Variants in SPAG1 observed in about 807,000 individuals in gnomAD.
The protein encoded by SPAG1 is sperm-associated antigen 1.
Under a neutral mutation model 100.5 loss-of-function variants are expected in SPAG1, and 69 were observed. That is an observed-to-expected ratio of 0.69 (90% CI 0.57 to 0.84). The LOEUF (loss-of-function observed/expected upper bound fraction) is 0.84. SPAG1 is among the 40% of genes least tolerant of loss of function. The pLI, the probability that SPAG1 is intolerant of heterozygous loss-of-function variation, is 0.00. For missense variants in SPAG1, 955 were observed against 1,133.1 expected (o/e 0.84, Z 2.26); for synonymous variants, 336 against 411.6 (o/e 0.82, Z 2.22).
intron 15 of SPAG1, among the ~76,000 whole-genome samples, chr8:100,232,468 C>T (rs578075317): frequency 8.5e-5 from 13 of 152,260 alleles, no homozygotes; most frequent in South Asian, 4.1e-4. Flanking sequence ...GAAGCGCTCC[C>T]CATCTCTTCT....
In SPAG1 at chr8:100,241,154, T is replaced by A; in HGVS notation, c.*132T>A. 1.4e-6 allele frequency: 1 copy of A among 732,672 alleles called. No individual in the cohort carries two copies. The highest frequency in any genetic ancestry group is 2.1e-6 in the Non-Finnish European group (1 of 473,074). 45.4% of individuals were successfully genotyped at this position (732,672 alleles called of 1,614,324 possible). A position where few individuals can be genotyped will look rare whatever the true frequency, so the allele number is the denominator to read the frequency against. On this transcript the variant is annotated 3_prime_UTR_variant, in exon 19 of 19. Coordinates refer to ENST00000388798, the MANE Select transcript of SPAG1 (RefSeq NM_003114.5). This position sits in a 1 kb window ranked among gnomAD's most constrained non-coding sequence, Gnocchi z 5.1. ...TGGTCTGCACTATAAAACATTTTACTTATTTTCCTACATAGAACATGTATA... is the reference window on the plus strand; with the variant it reads ...TGGTCTGCACTATAAAACATTTTACATATTTTCCTACATAGAACATGTATA...
rs1451010692 is a variant in SPAG1 at position 100,162,289 on chromosome 8, C to G, written c.9C>G (p.Thr3=). MT[T]KDYPSLWGFG... ...AATATTGTATTTCAGCTATGACCAC[C>G]AAAGATTATCCATCATTGTGGGGCT... Residue 3 remains threonine, a synonymous_variant, in exon 2 of 19, where the codon ACC becomes ACG. Transcript: ENST00000388798. The G allele has an allele frequency of 1.3e-6, 2 of 1,597,574 alleles. No individual in the cohort carries two copies. Among genetic ancestry groups the G allele is most frequent in the Non-Finnish European group, 1.7e-6 (2 of 1,174,136 alleles).
chr8:100,219,563 A>G (rs1423191638), intron 12 of SPAG1, among the ~76,000 whole-genome samples: 1 of 152,268 alleles, frequency 6.6e-6, no homozygotes, highest in African/African-American at 2.4e-5. Flanking sequence ...ATTGGGACAT[A>G]ACCATATTGT....
chr8:100,232,884 CTCT>C (rs1156939949), intron 15 of SPAG1, among the ~76,000 whole-genome samples: 1 of 152,202 alleles, frequency 6.6e-6, no homozygotes, highest in Admixed American at 6.5e-5. Context: ...CCATATGGAA[CTCT>C]TCTTAATTCT....
rs376044681 is a variant in SPAG1, at chr8:100,213,118, C to T, written c.1125C>T (p.Arg375=). 4 of 1,482,126 alleles carry T rather than the reference C, an allele frequency of 2.7e-6. No individual in the cohort carries two copies. Among genetic ancestry groups the T allele is most frequent in the African/African-American group, 1.5e-5 (1 of 68,188 alleles). 91.8% of individuals were successfully genotyped at this position (1,482,126 alleles called of 1,614,324 possible). A position where few individuals can be genotyped will look rare whatever the true frequency, so the allele number is the denominator to read the frequency against. ...KKPAEPAGAA[R]AAQPCVMGNI... ...CCGCGGAGCCGGCGGGAGCCGCGCGCGCCGCCCAGCCGTGCGTCATGGGCA... is the reference window on the plus strand; with the variant it reads ...CCGCGGAGCCGGCGGGAGCCGCGCGTGCCGCCCAGCCGTGCGTCATGGGCA... The change falls in exon 11 of 19, where the codon CGC becomes CGT. Residue 375 remains arginine (R), a synonymous_variant. Transcript: ENST00000388798.
chr8:100,187,961 T>C (rs1184889349), intron 8 of SPAG1, among the ~76,000 whole-genome samples: 2 of 152,122 alleles, frequency 1.3e-5, no homozygotes, highest in Non-Finnish European at 2.9e-5. Flanking sequence ...CAAGTGGTTC[T>C]CCTGCCTCAG....
intron 14 of SPAG1, among the ~76,000 whole-genome samples, chr8:100,229,837 C>A (rs535762929): frequency 6.6e-6 from 1 of 152,208 alleles, no homozygotes; most frequent in Non-Finnish European, 1.5e-5. Context: ...TGGGCACTTA[C>A]TATAGACATA....
At position 100,183,440 on chromosome 8, in the gene SPAG1, T is replaced by A; in HGVS notation, c.488+4T>A. ...GGGATTACGCGGAATGGGATAAGTA[T>A]GTTTTACATGTCTTTATATAAAATG... On this transcript the variant is annotated splice_donor_region_variant and intron_variant, in intron 5 of 18. Coordinates refer to ENST00000388798, the MANE Select transcript of SPAG1 (RefSeq NM_003114.5). The A allele has an allele frequency of 7.0e-7, 1 of 1,420,354 alleles. No homozygotes were observed. The highest frequency in any genetic ancestry group is 9.8e-7 in the Non-Finnish European group (1 of 1,021,982). 88.0% of individuals were successfully genotyped at this position (1,420,354 alleles called of 1,614,324 possible). A position where few individuals can be genotyped will look rare whatever the true frequency, so the allele number is the denominator to read the frequency against.
At chr8:100,215,610 C>T (rs575611428) in intron 12 of SPAG1, among the ~76,000 whole-genome samples, 5 of 152,350 alleles carry the variant, frequency 3.3e-5, no homozygotes, top group South Asian at 4.1e-4. Flanking sequence ...CTGCAAGCTC[C>T]GCCTCCTGGG....
At position 100,216,495 on chromosome 8, in the gene SPAG1, G is replaced by C. The variant is rs558850913; in HGVS notation, c.1535+2577G>C. Among the ~76,000 whole-genome samples, 12 of 152,292 alleles carry C rather than the reference G, an allele frequency of 7.9e-5. No homozygotes were observed. The South Asian group carries it at 2.1e-3, about 26-fold the overall frequency. On this transcript the variant is annotated intron_variant, in intron 12 of 18. Coordinates refer to ENST00000388798, the MANE Select transcript of SPAG1 (RefSeq NM_003114.5). ...ATGGGACTCCAGCCATGGTGTCCAG[G>C]GTGGCTAGAGTAGGGGCTTGTCCAA...
In SPAG1 at chr8:100,194,610, A is replaced by G. The variant is rs79155957; in HGVS notation, c.1096+342A>G. ...GTTTTGTATATATCTACTTGATTGCAAACAAATGTGTTGGTTTCAAAACAG... is the reference window on the plus strand; with the variant it reads ...GTTTTGTATATATCTACTTGATTGCGAACAAATGTGTTGGTTTCAAAACAG... On this transcript the variant is annotated intron_variant, in intron 10 of 18. Transcript: ENST00000388798. 570 of 423,940 alleles carry G rather than the reference A, an allele frequency of 1.3e-3. 3 individuals are homozygous for G. Among genetic ancestry groups the G allele is most frequent in the African/African-American group, 0.011 (524 of 49,008 alleles). 26.3% of individuals were successfully genotyped at this position (423,940 alleles called of 1,614,324 possible).
rs572699780 is a variant in SPAG1, at chr8:100,187,318, C to T, written c.832+68C>T. The T allele has an allele frequency of 2.3e-5, 29 of 1,252,762 alleles. No individual in the cohort carries two copies. In the South Asian group the frequency reaches 4.4e-4, roughly 19 times the overall value. 77.6% of individuals were successfully genotyped at this position (1,252,762 alleles called of 1,614,324 possible). On this transcript the variant is annotated intron_variant, in intron 8 of 18. Coordinates refer to ENST00000388798, the MANE Select transcript of SPAG1 (RefSeq NM_003114.5). ...CATTAATAAAGACCATTTGTAGATA[C>T]TTGTAATGTTTACATTAAAAATATT...
intron 3 of SPAG1, among the ~76,000 whole-genome samples, chr8:100,175,962 C>T (rs561039824): frequency 6.6e-6 from 1 of 152,298 alleles, no homozygotes; most frequent in Admixed American, 6.5e-5. Context: ...ACTGAGTTTG[C>T]ACAAAATAGT....
chr8:100,202,388 A>G (rs996719958), intron 10 of SPAG1, among the ~76,000 whole-genome samples: 3 of 151,568 alleles, frequency 2.0e-5, no homozygotes, highest in Non-Finnish European at 2.9e-5. Context: ...TTCTTTTCCT[A>G]CTGAATAGAC....
intron 13 of SPAG1, among the ~76,000 whole-genome samples, chr8:100,222,284 T>A (rs533299888): frequency 6.6e-6 from 1 of 152,298 alleles, no homozygotes; most frequent in South Asian, 2.1e-4. Context: ...GGGCCCTCTT[T>A]TATTACCCAG....
chr8:100,186,040 T>C (rs1256257344), intron 7 of SPAG1, among the ~76,000 whole-genome samples: 1 of 151,694 alleles, frequency 6.6e-6, no homozygotes, highest in Admixed American at 6.6e-5. Context: ...AGACTACCAC[T>C]TTCTGACCTT....
At chr8:100,184,831 T>C in intron 7 of SPAG1, 98 bp downstream of exon 7, 1 of 681,060 alleles carries the variant, frequency 1.5e-6, no homozygotes, top group Non-Finnish European at 2.5e-6. Flanking sequence ...TATGTCAGAA[T>C]CTCTCAATGT....
intron 10 of SPAG1, among the ~76,000 whole-genome samples, chr8:100,198,572 TGA>T (rs1441626080): frequency 1.3e-5 from 2 of 152,294 alleles, no homozygotes; most frequent in Non-Finnish European, 1.5e-5. Context: ...TCAAATTGGC[TGA>T]GATAGAAAAA....
chr8:100,210,692 TTTA>T (rs1817683240), intron 10 of SPAG1, among the ~76,000 whole-genome samples: 1 of 152,172 alleles, frequency 6.6e-6, no homozygotes, highest in Non-Finnish European at 1.5e-5. Context: ...AACTTTTATT[TTTA>T]TTTTTTGTAG....
Sources: gnomAD v4.1 joint callset for allele counts (sites outside exome capture counted in the v4.1 genomes callset) on GRCh38, gnomAD v4.1.1 for gene constraint, Gnocchi (gnomAD v3.1) non-coding constraint, MANE v1.5 for transcripts, NCBI Gene and HGNC (gene_info 2026-07-23, HGNC 2026-07-21) for gene names.